Variants in EARS2 observed in about 807,000 individuals in gnomAD.
The protein encoded by EARS2 is glutamyl-tRNA synthetase 2, mitochondrial, also known as nondiscriminating glutamyl-tRNA synthetase EARS2, mitochondrial.
EARS2 carries 50 observed loss-of-function variants against 54.1 expected under a neutral mutation model. The observed-to-expected ratio is 0.92, with a 90% confidence interval of 0.74 to 1.17. EARS2 has a LOEUF of 1.17. Ranked by LOEUF, EARS2 falls within the 50% of genes most tolerant of loss-of-function variation. EARS2 has a pLI of 0.00. For missense variants in EARS2, 673 were observed against 675.0 expected (o/e 1.00, Z 0.03); for synonymous variants, 298 against 281.0 (o/e 1.06, Z -0.61).
intron 5 of EARS2, among the ~76,000 whole-genome samples, chr16:23,532,029 T>G (rs1965335677): frequency 6.6e-6 from 1 of 152,176 alleles, no homozygotes; most frequent in African/African-American, 2.4e-5. Context: ...GCCAGGCTGG[T>G]CTCGAACTCC....
intron 7 of EARS2, among the ~76,000 whole-genome samples, chr16:23,528,122 AATCGG>A (rs1965261881): frequency 6.6e-6 from 1 of 152,198 alleles, no homozygotes; most frequent in Non-Finnish European, 1.5e-5. Flanking sequence ...CCAGACACTG[AATCGG>A]CGGCACCTTG....
intron 1 of EARS2, among the ~76,000 whole-genome samples, chr16:23,556,513 C>G (rs1249948251): frequency 6.6e-6 from 1 of 152,200 alleles, no homozygotes; most frequent in Non-Finnish European, 1.5e-5. Flanking sequence ...CGCCACCATG[C>G]CCAGATAATT....
intron 2 of EARS2, chr16:23,544,966 C>T (rs950449957): frequency 8.5e-6 from 3 of 353,654 alleles, no homozygotes; most frequent in East Asian, 4.5e-5. Context: ...CTCAGCCTCC[C>T]GAATAGCTGG....
chr16:23,526,877 T>C (rs1279722509), intron 7 of EARS2, among the ~76,000 whole-genome samples: 6 of 152,256 alleles, frequency 3.9e-5, no homozygotes, highest in Non-Finnish European at 7.3e-5. Flanking sequence ...GCCTCGGCCC[T>C]GATTGAGTTA....
rs151320988 is a variant in EARS2, at chr16:23,534,005, G to A, written c.958+883C>T. ...CAGGAGACGGAGGTTGCGGTGAGCC[G>A]AGATCGCGCCATTGCACTCCAGAAT... On this transcript the variant is annotated intron_variant, in intron 4 of 8. Transcript: ENST00000449606. Among the ~76,000 whole-genome samples, 289 of 151,440 alleles carry A rather than the reference G, an allele frequency of 1.9e-3. 5 individuals carry two copies. In the East Asian group the frequency reaches 0.044, roughly 23 times the overall value.
Position 23,524,201 on chromosome 16 carries a change from C to A in EARS2, c.*170G>T. ...GGCTTCCCCAGCCAATTGACAAAAA[C>A]GTGCCTGTGGTGGATCACAAATGCA... On this transcript the variant is annotated 3_prime_UTR_variant, in exon 9 of 9. Transcript: ENST00000449606. The A allele has an allele frequency of 1.5e-6, 1 of 665,292 alleles. No individual in the cohort carries two copies. Among genetic ancestry groups the A allele is most frequent in the Non-Finnish European group, 2.7e-6 (1 of 374,492 alleles). 41.2% of individuals were successfully genotyped at this position (665,292 alleles called of 1,614,324 possible).
chr16:23,520,948 C>T lies in EARS2; in HGVS notation c.*3423G>A, dbSNP rs1314076425. Among the ~76,000 whole-genome samples, 2 of 152,060 alleles carry T rather than the reference C, an allele frequency of 1.3e-5. No individual in the cohort carries two copies. Among genetic ancestry groups the T allele is most frequent in the Non-Finnish European group, 2.9e-5 (2 of 68,022 alleles). On this transcript the variant is annotated 3_prime_UTR_variant, in exon 9 of 9. Transcript: ENST00000449606. ...CTGGGATTATAGGTATGTACCACCACACCTGGCTAATTTTTGTACTTTTAG... is the reference window on the plus strand; with the variant it reads ...CTGGGATTATAGGTATGTACCACCATACCTGGCTAATTTTTGTACTTTTAG...
At chr16:23,534,393 A>C (rs1965377891) in intron 4 of EARS2, among the ~76,000 whole-genome samples, 1 of 152,262 alleles carries the variant, frequency 6.6e-6, no homozygotes, top group South Asian at 2.1e-4. Context: ...ACCATGGGTA[A>C]GTGCTCAGCT....
At chr16:23,533,701 G>A (rs1467787392) in intron 4 of EARS2, among the ~76,000 whole-genome samples, 1 of 152,166 alleles carries the variant, frequency 6.6e-6, no homozygotes, top group Non-Finnish European at 1.5e-5. Flanking sequence ...AGTCAACTGG[G>A]TTTGGTTGGG....
At position 23,544,677 on chromosome 16, in the gene EARS2, G is replaced by T; in HGVS notation, c.322C>A (p.Arg108=). The T allele has an allele frequency of 6.2e-7, 1 of 1,606,592 alleles. No homozygotes were observed. Among genetic ancestry groups the T allele is most frequent in the Non-Finnish European group, 8.5e-7 (1 of 1,177,562 alleles). Residue 108 remains arginine (R), a synonymous_variant, in exon 3 of 9, where the codon CGG becomes AGG. Coordinates refer to ENST00000449606, the MANE Select transcript of EARS2 (RefSeq NM_001083614.2). ...TGGTAGGGCCCAGCAGGACCGCCCC[G>T]GCGGGGGCTCTCATCAGGCGGGATG... ...AGIPPDESPR[R]GGPAGPYQQS...
rs1965710275 is a variant in EARS2, at chr16:23,552,297, C to T, written c.147G>A (p.Leu49=). 2.5e-6 allele frequency: 4 copies of T among 1,613,958 alleles called. No homozygotes were observed. Among genetic ancestry groups the T allele is most frequent in the Admixed American group, 1.7e-5 (1 of 60,002 alleles). The part of the protein sequence containing the change: ...VRFAPSPTGF[L]HLGGLRTALY... Reference sequence around the variant, plus strand: ...AGGCAGTGCGGAGGCCACCCAGGTGCAAGAAGCCTGGAGAAGAGAACAGCT... The same window carrying T: ...AGGCAGTGCGGAGGCCACCCAGGTGTAAGAAGCCTGGAGAAGAGAACAGCT... The change falls in exon 2 of 9, where the codon TTG becomes TTA. Residue 49 remains leucine (L), a synonymous_variant. Coordinates refer to ENST00000449606, the MANE Select transcript of EARS2 (RefSeq NM_001083614.2).
chr16:23,540,011 G>T (rs1056093463), intron 3 of EARS2, among the ~76,000 whole-genome samples: 1 of 152,206 alleles, frequency 6.6e-6, no homozygotes, highest in South Asian at 2.1e-4. Flanking sequence ...AAAATTTGCC[G>T]GGCATGGCGG....
intron 2 of EARS2, among the ~76,000 whole-genome samples, chr16:23,549,252 A>G (rs1965655031): frequency 6.6e-6 from 1 of 151,938 alleles, no homozygotes; most frequent in Non-Finnish European, 1.5e-5. Context: ...GAGCTCCACA[A>G]CTGATGGTAT....
At position 23,521,664 on chromosome 16, in the gene EARS2, C is replaced by G. The variant is rs1320966621; in HGVS notation, c.*2707G>C. The G allele has an allele frequency of 8.9e-6, 4 of 450,706 alleles. No individual in the cohort carries two copies. The highest frequency in any genetic ancestry group is 4.8e-5 in the Admixed American group (2 of 41,858). 27.9% of individuals were successfully genotyped at this position (450,706 alleles called of 1,614,324 possible). ...AGCCTACCACCTTTGCCTCACAAAGCATTAGGACGTATTTGTCCTTTTGTG... is the reference window on the plus strand; with the variant it reads ...AGCCTACCACCTTTGCCTCACAAAGGATTAGGACGTATTTGTCCTTTTGTG... On this transcript the variant is annotated 3_prime_UTR_variant, in exon 9 of 9. Transcript: ENST00000449606.
chr16:23,556,733 TGCTCAGTAAA>T, intron 1 of EARS2: 1 of 368,462 alleles, frequency 2.7e-6, no homozygotes, highest in South Asian at 2.1e-5. Context: ...AAATGTTACC[TGCTCAGTAAA>T]GCCTTCTGGA....
At chr16:23,524,936 T>G (rs1965199831) in intron 8 of EARS2, 1 of 560,334 alleles carries the variant, frequency 1.8e-6, no homozygotes, top group Non-Finnish European at 3.1e-6. Context: ...TGAGCCACCG[T>G]GCCTGGCCTG....
At chr16:23,556,268 G>A (rs895986922) in intron 1 of EARS2, among the ~76,000 whole-genome samples, 1 of 152,180 alleles carries the variant, frequency 6.6e-6, no homozygotes, top group African/African-American at 2.4e-5. Context: ...GCTATACAAT[G>A]GGCCTCTGTC....
intron 3 of EARS2, among the ~76,000 whole-genome samples, chr16:23,539,696 C>A (rs867123906): frequency 3.2e-5 from 4 of 124,174 alleles, no homozygotes; most frequent in African/African-American, 1.3e-4. Flanking sequence ...CACAACAGGG[C>A]ATGACTATAA....
chr16:23,528,471 A>T (rs1056431980), intron 7 of EARS2, among the ~76,000 whole-genome samples: 23 of 152,192 alleles, frequency 1.5e-4, no homozygotes, highest in African/African-American at 5.5e-4. Context: ...CACAGAAAGG[A>T]TTTCTAGTGA....
Sources: gnomAD v4.1 joint callset for allele counts (sites outside exome capture counted in the v4.1 genomes callset) on GRCh38, gnomAD v4.1.1 for gene constraint, MANE v1.5 for transcripts, NCBI Gene and HGNC (gene_info 2026-07-23, HGNC 2026-07-21) for gene names.